The following PRPF39 variants were observed in gnomAD, a reference collection of about 807,000 sequenced individuals.
The protein encoded by PRPF39 is pre-mRNA-processing factor 39.
A neutral mutation model predicts 82.1 loss-of-function variants in PRPF39; 27 were observed. That is an observed-to-expected ratio of 0.33 (90% CI 0.24 to 0.45). PRPF39 has a LOEUF of 0.45. PRPF39 is among the 20% of genes least tolerant of loss of function. The pLI is 1.00. For synonymous variants in PRPF39, 261 were observed against 256.4 expected, an observed-to-expected ratio of 1.02 and a Z score of -0.17; for missense variants, 581 against 796.9, an observed-to-expected ratio of 0.73 and a Z score of 3.26.
chr14:45,098,461 AAGAG>A (rs200689766), intron 4 of PRPF39, among the ~76,000 whole-genome samples: 6,332 of 151,014 alleles, frequency 0.042, 177 homozygotes, highest in South Asian at 0.11. Context: ...AAAAAAAAAA[AAGAG>A]AGAGAGATCA....
intron 11 of PRPF39, 28 bp downstream of exon 11, chr14:45,112,530 G>T (rs1240652152): frequency 2.1e-6 from 3 of 1,427,298 alleles, no homozygotes; most frequent in African/African-American, 2.9e-5. Context: ...TTACCTATTT[G>T]AATGATAAAT....
At chr14:45,087,717 G>T (rs182228344) in intron 1 of PRPF39, among the ~76,000 whole-genome samples, 2 of 151,328 alleles carry the variant, frequency 1.3e-5, no homozygotes, top group East Asian at 3.9e-4. Flanking sequence ...GGGACTACAG[G>T]CGCCCGTCAC....
Position 45,102,688 on chromosome 14 carries a change from T to G in PRPF39, c.729T>G (p.His243Gln), listed in dbSNP as rs374040003. The change falls in exon 5 of 14, where the codon CAT becomes CAG. Residue 243 changes from histidine (H) to glutamine (Q), a missense_variant. His to Gln is a conservative substitution (Grantham distance 24). Coordinates refer to ENST00000355765, the MANE Select transcript of PRPF39 (RefSeq NM_017922.4). ...TTCCAACACAGCTGTATAGTCATCA[T>G]TTTCAGAGGTAGGTGGGAAATTCTG... is the stretch of plus-strand genomic sequence containing the variant. ...LGIPTQLYSH[H>Q]FQRFKEHVQN... The G allele has an allele frequency of 1.9e-6, 3 of 1,593,466 alleles. No homozygotes were observed. Among genetic ancestry groups the G allele is most frequent in the Non-Finnish European group, 2.6e-6 (3 of 1,172,964 alleles).
intron 1 of PRPF39, among the ~76,000 whole-genome samples, chr14:45,092,587 C>A (rs1348062959): frequency 7.9e-6 from 1 of 127,066 alleles, no homozygotes; most frequent in East Asian, 2.2e-4. Context: ...GGTGACAGAT[C>A]GAGACTCTGT....
Position 45,107,447 on chromosome 14 carries a change from T to C in PRPF39, c.738-4T>C. On this transcript the variant is annotated splice_region_variant and splice_polypyrimidine_tract_variant and intron_variant, in intron 5 of 13. Transcript: ENST00000355765. ...ATACATATATTTTTATTGTCTTCCT[T>C]TAGATTTAAAGAACATGTACAGAAT... The C allele has an allele frequency of 6.6e-7, 1 of 1,507,140 alleles. No individual in the cohort carries two copies. Among genetic ancestry groups the C allele is most frequent in the Non-Finnish European group, 9.0e-7 (1 of 1,107,546 alleles). 93.4% of individuals were successfully genotyped at this position (1,507,140 alleles called of 1,614,324 possible).
At chr14:45,092,600 CAAAA>C (rs775755309) in intron 1 of PRPF39, among the ~76,000 whole-genome samples, 4 of 51,494 alleles carry the variant, frequency 7.8e-5, no homozygotes, top group South Asian at 1.5e-3. Context: ...GACTCTGTCT[CAAAA>C]AAAAAAAAAA....
intron 2 of PRPF39, 119 bp downstream of exon 2, chr14:45,095,682 G>C: frequency 7.7e-7 from 1 of 1,301,886 alleles, no homozygotes; most frequent in African/African-American, 1.5e-5. Context: ...AAATGAAGTT[G>C]AATAACATTA....
rs1417140472 is a variant in PRPF39 at position 45,102,881 on chromosome 14, T to C, written c.737+185T>C. Among the ~76,000 whole-genome samples, 6 of 152,234 alleles carry C rather than the reference T, an allele frequency of 3.9e-5. No individual in the cohort carries two copies. The South Asian group carries it at 8.3e-4, about 21-fold the overall frequency. On this transcript the variant is annotated intron_variant, in intron 5 of 13. Coordinates refer to ENST00000355765, the MANE Select transcript of PRPF39 (RefSeq NM_017922.4). ...TTTTTCATATGCCTTATGAAATGTTTAGAAATTTTACTGTTTTTAGATAGA... is the reference window on the plus strand; with the variant it reads ...TTTTTCATATGCCTTATGAAATGTTCAGAAATTTTACTGTTTTTAGATAGA...
chr14:45,096,464 A>T (rs768275487), intron 3 of PRPF39: 1 of 1,472,240 alleles, frequency 6.8e-7, no homozygotes, highest in Non-Finnish European at 9.1e-7. Context: ...TTGCAGTGCA[A>T]GCCTCTGTAT....
chr14:45,088,892 A>G (rs1439839995), intron 1 of PRPF39, among the ~76,000 whole-genome samples: 1 of 152,212 alleles, frequency 6.6e-6, no homozygotes, highest in Non-Finnish European at 1.5e-5. Context: ...GCACTGTGCT[A>G]AAATTTTTTT....
chr14:45,108,619 T>G (rs1884610317), intron 7 of PRPF39, 97 bp downstream of exon 7: 1 of 1,406,984 alleles, frequency 7.1e-7, no homozygotes, highest in Admixed American at 3.4e-5. Flanking sequence ...TGTAACTTTA[T>G]TTTTGCATAT....
At chr14:45,101,699 CAT>C (rs1036685839) in intron 4 of PRPF39, among the ~76,000 whole-genome samples, 13 of 151,558 alleles carry the variant, frequency 8.6e-5, no homozygotes, top group Non-Finnish European at 1.8e-4. Context: ...CTCCTGGCCT[CAT>C]GTGCTGGAAT....
intron 1 of PRPF39, among the ~76,000 whole-genome samples, chr14:45,084,712 CTT>C (rs977749771): frequency 6.6e-6 from 1 of 152,140 alleles, no homozygotes; most frequent in Non-Finnish European, 1.5e-5. Flanking sequence ...ATAAGCAACA[CTT>C]TTGCGACCCT....
At chr14:45,104,622 A>G (rs1199656008) in intron 5 of PRPF39, among the ~76,000 whole-genome samples, 1 of 152,210 alleles carries the variant, frequency 6.6e-6, no homozygotes, top group Non-Finnish European at 1.5e-5. Flanking sequence ...TAAGTGGTAT[A>G]CAGTAATAAT....
chr14:45,089,503 C>A (rs981996588), intron 1 of PRPF39, among the ~76,000 whole-genome samples: 3 of 152,170 alleles, frequency 2.0e-5, no homozygotes, highest in Non-Finnish European at 4.4e-5. Flanking sequence ...GGGTCTGGCT[C>A]TGTCACCCAG....
At chr14:45,098,898 G>T (rs1004473008) in intron 4 of PRPF39, among the ~76,000 whole-genome samples, 1 of 152,130 alleles carries the variant, frequency 6.6e-6, no homozygotes, top group African/African-American at 2.4e-5. Context: ...ATAACTTCTT[G>T]TTAAAGGATG....
intron 5 of PRPF39, 113 bp downstream of exon 5, chr14:45,102,809 G>A: frequency 9.1e-7 from 1 of 1,104,684 alleles, no homozygotes; most frequent in Non-Finnish European, 1.2e-6. Flanking sequence ...GTGGAAAGAG[G>A]AATAAATTTT....
rs751582634 is a variant in PRPF39 at position 45,114,510 on chromosome 14, G to A, written c.1849G>A (p.Glu617Lys). ...KAENGSEEPE[E>K]KKAHTEDTTS... ...TTTATATAGATCAGAAGAACCAGAGGAAAAGAAAGCACATACAGAAGATAC... is the reference window on the plus strand; with the variant it reads ...TTTATATAGATCAGAAGAACCAGAGAAAAAGAAAGCACATACAGAAGATAC... The change falls in exon 13 of 14, where the codon GAA (glutamate) becomes AAA (lysine). Residue 617 changes from glutamate (E) to lysine (K), a missense_variant. Transcript: ENST00000355765. 4 of 1,579,532 alleles carry A rather than the reference G, an allele frequency of 2.5e-6. No individual in the cohort carries two copies. The South Asian group carries it at 4.7e-5, about 19-fold the overall frequency.
chr14:45,102,448 ATT>A, intron 4 of PRPF39, 79 bp from the exon 5 acceptor site: 2 of 1,228,558 alleles, frequency 1.6e-6, no homozygotes, highest in Non-Finnish European at 1.1e-6. Context: ...TGAAGTTAGC[ATT>A]ATCTTCTAAA....
Sources: gnomAD v4.1 joint callset for allele counts (sites outside exome capture counted in the v4.1 genomes callset) on GRCh38, gnomAD v4.1.1 for gene constraint, MANE v1.5 for transcripts, NCBI Gene and HGNC (gene_info 2026-07-23, HGNC 2026-07-21) for gene names.